The following NUB1 variants were observed in gnomAD, a reference collection of about 807,000 sequenced individuals.
The protein encoded by NUB1 is negative regulator of ubiquitin like proteins 1.
NUB1 carries 41 observed loss-of-function variants against 77.1 expected under a neutral mutation model. The observed-to-expected ratio is 0.53, with a 90% CI of 0.41 to 0.69. The LOEUF (loss-of-function observed/expected upper bound fraction) is 0.69. NUB1 is among the 30% of genes least tolerant of loss of function. The pLI is 0.00. For synonymous variants in NUB1, 257 were observed against 281.0 expected (o/e 0.91, Z 0.85); for missense variants, 643 against 743.8 (o/e 0.86, Z 1.58).
rs1455296325 is a variant in NUB1 at position 151,349,160 on chromosome 7, G to A, written c.205G>A (p.Glu69Lys). The A allele has an allele frequency of 6.2e-7, 1 of 1,613,684 alleles. No homozygotes were observed. The change falls in exon 3 of 15, where the codon GAG becomes AAG. Residue 69 changes from glutamate (E) to lysine (K), a missense_variant. By Grantham distance (56) the Glu-to-Lys change is moderately conservative (BLOSUM62 1). Transcript: ENST00000568733. ...AGAAGAAATACGTTGCAAGGCAATT[G>A]AGCGTGGAACAGGAAATGACAATTA... is the stretch of plus-strand genomic sequence containing the variant. ...VIEEIRCKAI[E>K]RGTGNDNYRT...
chr7:151,344,860 C>CGTG (rs1025744104), intron 1 of NUB1, among the ~76,000 whole-genome samples: 15 of 151,890 alleles, frequency 9.9e-5, no homozygotes, highest in African/African-American at 3.4e-4. Context: ...ATTAGCCGGG[C>CGTG]GTGGTGGCGC....
At position 151,377,276 on chromosome 7, in the gene NUB1, GA is replaced by G. The variant is rs1798346710; in HGVS notation, c.*55del. ...TTCTGCTTATAAATGCTATCATTAT[GA>G]AAAGGCTAATGCAGCTCTTTCTGTT... On this transcript the variant is annotated 3_prime_UTR_variant, in exon 15 of 15. Coordinates refer to ENST00000568733, the MANE Select transcript of NUB1 (RefSeq NM_001243351.2). 8.1e-7 allele frequency: 1 copy of G among 1,236,176 alleles called. No homozygotes were observed. Among genetic ancestry groups the G allele is most frequent in the East Asian group, 2.8e-5 (1 of 35,092 alleles). 76.6% of individuals were successfully genotyped at this position (1,236,176 alleles called of 1,614,324 possible).
intron 3 of NUB1, among the ~76,000 whole-genome samples, chr7:151,349,927 C>T (rs936660091): frequency 2.6e-5 from 4 of 152,138 alleles, no homozygotes; most frequent in African/African-American, 7.2e-5. Flanking sequence ...GTAGTGGCCC[C>T]GAATGCCTGG....
chr7:151,345,739 A>G (rs1369589914), intron 2 of NUB1, among the ~76,000 whole-genome samples: 2 of 152,202 alleles, frequency 1.3e-5, no homozygotes, highest in African/African-American at 4.8e-5. Context: ...ATTTTGACCC[A>G]TTAGTGGAAC....
rs572159852 is a variant in NUB1 at position 151,348,883 on chromosome 7, G to A, written c.118-190G>A. 2.0e-5 allele frequency among the ~76,000 whole-genome samples: 3 copies of A among 152,156 alleles called. No homozygotes were observed. The South Asian group carries it at 6.2e-4, about 32-fold the overall frequency. Reference sequence around the variant, plus strand: ...AGCCACCGCGCCCAGTCTCAAATAAGTGTTTTCACTTTTTCCTGGCCTCTC... The same window carrying A: ...AGCCACCGCGCCCAGTCTCAAATAAATGTTTTCACTTTTTCCTGGCCTCTC... On this transcript the variant is annotated intron_variant, in intron 2 of 14. Transcript: ENST00000568733.
Position 151,352,808 on chromosome 7 carries a change from A to T in NUB1, c.345-4A>T. 6.6e-7 allele frequency: 1 copy of T among 1,511,400 alleles called. No homozygotes were observed. Among genetic ancestry groups the T allele is most frequent in the Non-Finnish European group, 9.1e-7 (1 of 1,095,382 alleles). 93.6% of individuals were successfully genotyped at this position (1,511,400 alleles called of 1,614,324 possible). A position where few individuals can be genotyped will look rare whatever the true frequency, so the allele number is the denominator to read the frequency against. On this transcript the variant is annotated splice_polypyrimidine_tract_variant and splice_region_variant and intron_variant, in intron 4 of 14. Transcript: ENST00000568733. ...CTACAATTTTCACTGGTTTTATTTT[A>T]CAGAATAGCTGAAACCTTTGGACTT...
At chr7:151,348,569 C>CTTTTTTTTTTTTTTGTTTT (rs1796618808) in intron 2 of NUB1, among the ~76,000 whole-genome samples, 1 of 69,924 alleles carries the variant, frequency 1.4e-5, no homozygotes, top group Non-Finnish European at 2.5e-5. Context: ...TTGCTTTTTG[C>CTTTTTTTTTTTTTTGTTTT]TTTTTTTTTT....
intron 5 of NUB1, 42 bp downstream of exon 5, chr7:151,352,924 T>C: frequency 9.4e-7 from 1 of 1,064,854 alleles, no homozygotes; most frequent in Non-Finnish European, 1.4e-6. Flanking sequence ...ATGAACCAAA[T>C]ATAGAAATAA....
intron 1 of NUB1, 161 bp downstream of exon 1, chr7:151,342,007 G>A (rs554729884): frequency 2.4e-6 from 3 of 1,257,552 alleles, no homozygotes; most frequent in South Asian, 2.6e-5. Context: ...CCGGGGCCGG[G>A]GCCGGGAGCG....
At chr7:151,370,812 C>G (rs182546942) in intron 11 of NUB1, among the ~76,000 whole-genome samples, 91 of 150,922 alleles carry the variant, frequency 6.0e-4, no homozygotes, top group Non-Finnish European at 7.2e-4. Context: ...TTTGTTCTTG[C>G]GATAGTTTAC....
Position 151,374,191 on chromosome 7 carries a change from C to A in NUB1, c.1343C>A (p.Ala448Glu). 6.4e-7 allele frequency: 1 copy of A among 1,572,906 alleles called. No homozygotes were observed. The highest frequency in any genetic ancestry group is 8.6e-7 in the Non-Finnish European group (1 of 1,159,572). ...FLKGMGYSTH[A>E]AQQVLHAASG... ...AAAGGGATGGGCTACTCCACGCACG[C>A]GGCCCAGCAGGTACTCCACGCAGCC... Residue 448 changes from alanine (A) to glutamate (E), a missense_variant, in exon 12 of 15, where the codon GCG (alanine) becomes GAG (glutamate). Transcript: ENST00000568733.
chr7:151,372,479 C>G (rs1195171197), intron 11 of NUB1, among the ~76,000 whole-genome samples: 2 of 152,180 alleles, frequency 1.3e-5, no homozygotes, highest in Non-Finnish European at 2.9e-5. Flanking sequence ...AGGTGCGCTT[C>G]TTAGCCTTTT....
In NUB1 at chr7:151,374,158, G is replaced by T; in HGVS notation, c.1310G>T (p.Arg437Met). Residue 437 changes from arginine to methionine, a missense_variant, in exon 12 of 15, where the codon AGG becomes ATG. Coordinates refer to ENST00000568733, the MANE Select transcript of NUB1 (RefSeq NM_001243351.2). ...EKKRRRLENI[R>M]FLKGMGYSTH... is the part of the protein sequence containing the mutation. Reference sequence around the variant, plus strand: ...AAAAGACGCCGCCTCGAGAACATCAGGTTTCTGAAAGGGATGGGCTACTCC... The same window carrying T: ...AAAAGACGCCGCCTCGAGAACATCATGTTTCTGAAAGGGATGGGCTACTCC... 1 of 1,577,304 alleles carries T rather than the reference G, an allele frequency of 6.3e-7. No homozygotes were observed. Among genetic ancestry groups the T allele is most frequent in the East Asian group, 2.3e-5 (1 of 42,576 alleles).
At chr7:151,373,730 T>C (rs1308645710) in intron 11 of NUB1, among the ~76,000 whole-genome samples, 2 of 152,226 alleles carry the variant, frequency 1.3e-5, no homozygotes, top group African/African-American at 4.8e-5. Context: ...ACCCGGTTCC[T>C]ACCTGGTTCC....
intron 4 of NUB1, among the ~76,000 whole-genome samples, chr7:151,351,868 C>G (rs778416036): frequency 2.0e-5 from 3 of 151,770 alleles, no homozygotes; most frequent in African/African-American, 4.8e-5. Flanking sequence ...TTGCTATGAC[C>G]TTCAGCACGG....
intron 7 of NUB1, among the ~76,000 whole-genome samples, chr7:151,357,874 T>A (rs913262699): frequency 5.3e-5 from 8 of 152,060 alleles, no homozygotes; most frequent in Non-Finnish European, 1.0e-4. Flanking sequence ...CCTCCCAAAG[T>A]GCTGGGATTA....
chr7:151,347,919 T>C (rs1027688200), intron 2 of NUB1, among the ~76,000 whole-genome samples: 5 of 152,242 alleles, frequency 3.3e-5, no homozygotes, highest in Admixed American at 1.3e-4. Flanking sequence ...TTTACTGTTT[T>C]ATGAGATGTT....
chr7:151,359,052 G>A (rs995705930), intron 7 of NUB1, among the ~76,000 whole-genome samples: 3 of 151,298 alleles, frequency 2.0e-5, no homozygotes, highest in African/African-American at 4.9e-5. Flanking sequence ...AAGACAGAGC[G>A]AGACTCTGTC....
intron 3 of NUB1, among the ~76,000 whole-genome samples, chr7:151,350,412 T>G (rs76360473): frequency 0.039 from 5,934 of 152,194 alleles, 170 homozygotes; most frequent in South Asian, 0.12. Flanking sequence ...GACCAAGGTC[T>G]GCTAAGTAAC....
Sources: allele counts gnomAD v4.1 joint callset (sites outside exome capture counted in the v4.1 genomes callset), GRCh38; gene constraint gnomAD v4.1.1; transcripts MANE v1.5; gene names NCBI Gene and HGNC (gene_info 2026-07-23, HGNC 2026-07-21).